CNTNAP4: variants seen among roughly 807,000 people sequenced by gnomAD.
CNTNAP4 encodes contactin-associated protein-like 4.
A neutral mutation model predicts 148.4 loss-of-function variants in CNTNAP4; 98 were observed. The observed-to-expected ratio is 0.66, with a 90% CI of 0.56 to 0.78. CNTNAP4 has a LOEUF of 0.78. Among genes scored for constraint, CNTNAP4 ranks in the 30% least tolerant of loss-of-function variants. CNTNAP4 has a pLI of 0.00. For synonymous variants in CNTNAP4, 730 were observed against 565.1 expected, an observed-to-expected ratio of 1.29 and a Z score of -4.14; for missense variants, 1,935 against 1,565.6, an observed-to-expected ratio of 1.24 and a Z score of -3.98.
chr16:76,391,514 C>G (rs1194957626), intron 3 of CNTNAP4, among the ~76,000 whole-genome samples: 4 of 152,178 alleles, frequency 2.6e-5, no homozygotes, highest in Non-Finnish European at 5.9e-5. Flanking sequence ...AAAGATCTGG[C>G]TGGCATTTTA....
chr16:76,357,433 C>T (rs2012830817), intron 3 of CNTNAP4, among the ~76,000 whole-genome samples: 1 of 152,180 alleles, frequency 6.6e-6, no homozygotes, highest in African/African-American at 2.4e-5. Flanking sequence ...AGTTGAGGCG[C>T]TCATGGTGAA....
chr16:76,539,896 C>G (rs776272136), intron 20 of CNTNAP4, 44 bp downstream of exon 20: 4 of 1,442,582 alleles, frequency 2.8e-6, no homozygotes, highest in Non-Finnish European at 3.7e-6. Context: ...TAATGACTCT[C>G]CAGCATGAAG....
intron 1 of CNTNAP4, among the ~76,000 whole-genome samples, chr16:76,298,529 T>A (rs1189448032): frequency 1.6e-5 from 2 of 128,442 alleles, no homozygotes; most frequent in Non-Finnish European, 3.3e-5. Flanking sequence ...TGTGTGTGTG[T>A]GAGGTAAGGG....
chr16:76,448,249 A>G (rs1487692894), intron 5 of CNTNAP4, 34 bp downstream of exon 5: 2 of 1,445,890 alleles, frequency 1.4e-6, no homozygotes, highest in African/African-American at 2.8e-5. Context: ...CAAAAATCTG[A>G]TTATTTAGAT....
At chr16:76,315,638 A>G (rs1209143003) in intron 1 of CNTNAP4, among the ~76,000 whole-genome samples, 1 of 152,074 alleles carries the variant, frequency 6.6e-6, no homozygotes, top group Non-Finnish European at 1.5e-5. Context: ...TCCGTCACCC[A>G]GGCTGGAGTG....
chr16:76,282,085 A>G (rs1392866229), intron 1 of CNTNAP4, among the ~76,000 whole-genome samples: 2 of 151,920 alleles, frequency 1.3e-5, no homozygotes, highest in African/African-American at 4.8e-5. Flanking sequence ...AAGTGTATAA[A>G]TTATACTTCT....
intron 12 of CNTNAP4, among the ~76,000 whole-genome samples, chr16:76,482,530 A>T (rs1037163503): frequency 6.6e-6 from 1 of 151,890 alleles, no homozygotes. Context: ...CTTTATACTA[A>T]TGAATGTTTA....
chr16:76,495,670 G>C lies in CNTNAP4; in HGVS notation c.2237+604G>C, dbSNP rs556274855. ...TAAAAAAGACATTGATAGTATTTGAGACTAGAGTTGGCATGTATACTGCTC... is the reference window on the plus strand; with the variant it reads ...TAAAAAAGACATTGATAGTATTTGACACTAGAGTTGGCATGTATACTGCTC... On this transcript the variant is annotated intron_variant, in intron 14 of 23. Coordinates refer to ENST00000611870, the MANE Select transcript of CNTNAP4 (RefSeq NM_033401.5). Among the ~76,000 whole-genome samples the C allele has an allele frequency of 6.8e-4, 103 of 152,110 alleles. 1 individual carries two copies. The highest frequency in any genetic ancestry group is 2.5e-3 in the African/African-American group (102 of 41,548).
intron 8 of CNTNAP4, among the ~76,000 whole-genome samples, chr16:76,453,103 A>G (rs1341760898): frequency 2.0e-5 from 3 of 152,218 alleles, no homozygotes; most frequent in African/African-American, 7.2e-5. Flanking sequence ...CAACAAGTTA[A>G]CTAAGTGTTC....
At chr16:76,490,232 A>G (rs138150124) in intron 13 of CNTNAP4, among the ~76,000 whole-genome samples, 1 of 152,318 alleles carries the variant, frequency 6.6e-6, no homozygotes, top group East Asian at 1.9e-4. Flanking sequence ...TTATTTTATC[A>G]TGGAAAACAG....
chr16:76,368,591 A>G (rs934920966), intron 3 of CNTNAP4, among the ~76,000 whole-genome samples: 1 of 152,120 alleles, frequency 6.6e-6, no homozygotes, highest in Non-Finnish European at 1.5e-5. Flanking sequence ...CAAATACAGC[A>G]TGTTCTCACT....
chr16:76,329,071 C>A (rs921646846), intron 2 of CNTNAP4, among the ~76,000 whole-genome samples: 4 of 152,158 alleles, frequency 2.6e-5, no homozygotes, highest in Admixed American at 2.0e-4. Flanking sequence ...GTAAATACTT[C>A]AGCTTTGTTA....
intron 2 of CNTNAP4, among the ~76,000 whole-genome samples, chr16:76,349,892 C>T (rs1597280863): frequency 2.0e-5 from 3 of 151,962 alleles, no homozygotes; most frequent in Non-Finnish European, 4.4e-5. Flanking sequence ...CTGATGACCA[C>T]CAGGAATGTC....
intron 2 of CNTNAP4, among the ~76,000 whole-genome samples, chr16:76,326,715 T>C (rs993775074): frequency 1.3e-5 from 2 of 149,852 alleles, no homozygotes; most frequent in African/African-American, 2.5e-5. Flanking sequence ...AACCAAACAC[T>C]GCATGTTCTC....
chr16:76,283,555 GGA>G (rs1958770107), intron 1 of CNTNAP4, among the ~76,000 whole-genome samples: 1 of 151,902 alleles, frequency 6.6e-6, no homozygotes, highest in Non-Finnish European at 1.5e-5. Flanking sequence ...AACTAACAAG[GGA>G]ACAGAAAACC....
chr16:76,420,734 AT>A (rs1331120342), intron 3 of CNTNAP4, among the ~76,000 whole-genome samples: 2 of 152,026 alleles, frequency 1.3e-5, no homozygotes, highest in Non-Finnish European at 2.9e-5. Flanking sequence ...CTCTTCAGAA[AT>A]CCTTTAGTTA....
chr16:76,423,585 A>T (rs2079269875), intron 3 of CNTNAP4, among the ~76,000 whole-genome samples: 1 of 152,216 alleles, frequency 6.6e-6, no homozygotes, highest in African/African-American at 2.4e-5. Flanking sequence ...AAATTGAGGA[A>T]AGTTTCCTAG....
At chr16:76,516,510 C>T (rs1372625033) in intron 15 of CNTNAP4, among the ~76,000 whole-genome samples, 3 of 152,200 alleles carry the variant, frequency 2.0e-5, no homozygotes, top group African/African-American at 4.8e-5. Context: ...ACACTGTCTT[C>T]CACAATGGTT....
chr16:76,474,336 G>C (rs566393986), intron 10 of CNTNAP4, among the ~76,000 whole-genome samples: 28 of 152,268 alleles, frequency 1.8e-4, no homozygotes, highest in African/African-American at 6.3e-4. Flanking sequence ...AGAAAGAATT[G>C]ATCACTGAAA....
Sources: gnomAD v4.1 joint callset for allele counts (sites outside exome capture counted in the v4.1 genomes callset) on GRCh38, gnomAD v4.1.1 for gene constraint, MANE v1.5 for transcripts, NCBI Gene and HGNC (gene_info 2026-07-23, HGNC 2026-07-21) for gene names.